The following ZNF462 variants were observed in gnomAD, a reference collection of about 807,000 sequenced individuals.
ZNF462 encodes zinc finger protein 462.
A neutral mutation model predicts 201.9 loss-of-function variants in ZNF462; 10 were observed. The observed-to-expected ratio is 0.05, with a 90% CI of 0.03 to 0.08. ZNF462 has a LOEUF of 0.08. Among genes scored for constraint, ZNF462 ranks in the 10% least tolerant of loss-of-function variants. The pLI is 1.00. For missense variants in ZNF462, 2,523 were observed against 3,168.3 expected, an observed-to-expected ratio of 0.80 and a Z score of 4.89; for synonymous variants, 1,227 against 1,193.3, an observed-to-expected ratio of 1.03 and a Z score of -0.58.
At chr9:106,861,745 G>A (rs1233076963), upstream of ZNF462, among the ~76,000 whole-genome samples, 1 of 152,184 alleles carries the variant, frequency 6.6e-6, no homozygotes, top group Non-Finnish European at 1.5e-5. Flanking sequence ...CGACCTGGTG[G>A]TGGAGGGGGG....
intron 6 of ZNF462, among the ~76,000 whole-genome samples, chr9:106,937,158 C>T (rs1242951307): frequency 6.6e-6 from 1 of 152,122 alleles, no homozygotes; most frequent in African/African-American, 2.4e-5. Flanking sequence ...AATTCTCTCT[C>T]AGGTCGTGCA....
rs1564062865 is a variant in ZNF462, at chr9:106,864,106, CT to C, written c.-31+752del. Among the ~76,000 whole-genome samples the C allele has an allele frequency of 6.5e-4, 79 of 122,478 alleles. 7 individuals carry two copies. Among genetic ancestry groups the C allele is most frequent in the Middle Eastern group, 4.2e-3 (1 of 238 alleles). The allele number at this position is 122,478 out of a possible 152,430, so 80.4% of individuals were successfully genotyped here. ...TCTCTCTCTCTCTCTCTCTCTCTCT[CT>C]CTCCCTCTCCCCGAAGTTGGGATGC... On this transcript the variant is annotated intron_variant, in intron 1 of 12. Transcript: ENST00000277225.
At chr9:106,986,128 G>T (rs1020971900) in intron 10 of ZNF462, among the ~76,000 whole-genome samples, 17 of 152,172 alleles carry the variant, frequency 1.1e-4, no homozygotes, top group African/African-American at 4.1e-4. Context: ...TCAGAAAGAA[G>T]ATTCTTCTCT....
Position 106,925,556 on chromosome 9 carries a change from G to A in ZNF462, c.1644G>A (p.Pro548=), listed in dbSNP as rs199560820. The change falls in exon 3 of 13, where the codon CCG becomes CCA. Residue 548 remains proline (P), a synonymous_variant. Coordinates refer to ENST00000277225, the MANE Select transcript of ZNF462 (RefSeq NM_021224.6). This position sits in a 1 kb window ranked among gnomAD's most constrained non-coding sequence, Gnocchi z 7.9. ...AACAGCCACCGCAGCCACCACCACC[G>A]CCGCCGCCACCACCACCATCACAGC... ...QQQQPPQPPP[P]PPPPPPSQPQ... is the part of the protein sequence containing the mutation. 5.6e-4 allele frequency: 901 copies of A among 1,606,864 alleles called. No homozygotes were observed. The highest frequency in any genetic ancestry group is 2.0e-3 in the East Asian group (88 of 44,664).
At position 106,972,347 on chromosome 9, in the gene ZNF462, A is replaced by G; in HGVS notation, c.6695+75A>G. On this transcript the variant is annotated intron_variant, in intron 8 of 12. Transcript: ENST00000277225. This position sits in a 1 kb window ranked among gnomAD's most constrained non-coding sequence, Gnocchi z 4.8. Reference sequence around the variant, plus strand: ...CCACCCCTCACTGCAGGCTTCCCTTACACTTTCCTACTTGGAGCTTATGGG... The same window carrying G: ...CCACCCCTCACTGCAGGCTTCCCTTGCACTTTCCTACTTGGAGCTTATGGG... The G allele has an allele frequency of 1.3e-6, 2 of 1,544,710 alleles. No individual in the cohort carries two copies. The highest frequency in any genetic ancestry group is 8.7e-7 in the Non-Finnish European group (1 of 1,146,308).
chr9:106,931,986 A>AG (rs1830444430), intron 4 of ZNF462, among the ~76,000 whole-genome samples: 1 of 152,194 alleles, frequency 6.6e-6, no homozygotes, highest in African/African-American at 2.4e-5. Flanking sequence ...GGAAGAAGTG[A>AG]GTGAAGTGTC....
At chr9:106,942,249 G>GA (rs1830906398) in intron 7 of ZNF462, among the ~76,000 whole-genome samples, 1 of 152,176 alleles carries the variant, frequency 6.6e-6, no homozygotes, top group African/African-American at 2.4e-5. Context: ...CTGGCAGAGG[G>GA]AAACAGCCTG....
intron 10 of ZNF462, among the ~76,000 whole-genome samples, chr9:106,991,839 TACACACA>T (rs1208247429): frequency 0.018 from 2,492 of 136,352 alleles, 74 homozygotes; most frequent in African/African-American, 0.066. Flanking sequence ...CAGCACTCTC[TACACACA>T]CACACACACA....
rs748640464 is a variant in ZNF462 at position 106,938,813 on chromosome 9, G to A, written c.6236-103G>A. ...TCATAGAACATGAAGCTTGAGATGC[G>A]CTTCTCTAGCATGAGTTAACTGAGT... On this transcript the variant is annotated intron_variant, in intron 6 of 12. Coordinates refer to ENST00000277225, the MANE Select transcript of ZNF462 (RefSeq NM_021224.6). This position sits in a 1 kb window ranked among gnomAD's most constrained non-coding sequence, Gnocchi z 4.4. 155 of 1,229,240 alleles carry A rather than the reference G, an allele frequency of 1.3e-4. No individual in the cohort carries two copies. The highest frequency in any genetic ancestry group is 1.2e-3 in the African/African-American group (82 of 65,860). The allele number at this position is 1,229,240 out of a possible 1,614,324, so 76.1% of individuals were successfully genotyped here.
rs1829094570 is a variant in ZNF462 at position 106,902,247 on chromosome 9, T to C, written c.-30-21107T>C. 6.6e-6 allele frequency among the ~76,000 whole-genome samples: 1 copy of C among 152,208 alleles called. No homozygotes were observed. Among genetic ancestry groups the C allele is most frequent in the Admixed American group, 6.5e-5 (1 of 15,284 alleles). On this transcript the variant is annotated intron_variant, in intron 1 of 12. Transcript: ENST00000277225. The surrounding 1 kb of genome is among the most constrained non-coding windows in gnomAD (Gnocchi z 4.2). Reference sequence around the variant, plus strand: ...TTATTGACTCATGTATGTTAAACCATCCCTGCATCCCTGGTATGAAACCCA... The same window carrying C: ...TTATTGACTCATGTATGTTAAACCACCCCTGCATCCCTGGTATGAAACCCA...
chr9:106,964,882 GA>G (rs1195226407), intron 7 of ZNF462, among the ~76,000 whole-genome samples: 1 of 152,064 alleles, frequency 6.6e-6, no homozygotes, highest in African/African-American at 2.4e-5. Flanking sequence ...GCTAGAAGCA[GA>G]AATGGATGGA....
intron 1 of ZNF462, among the ~76,000 whole-genome samples, chr9:106,911,874 G>A (rs1489866369): frequency 1.3e-5 from 2 of 152,048 alleles, no homozygotes; most frequent in Non-Finnish European, 2.9e-5. Context: ...AATAAAGTTA[G>A]ATAAATAAAG....
At chr9:106,940,788 A>G (rs1467390698) in intron 7 of ZNF462, among the ~76,000 whole-genome samples, 2 of 151,918 alleles carry the variant, frequency 1.3e-5, no homozygotes, top group Non-Finnish European at 2.9e-5. Flanking sequence ...TCAGAGTCAC[A>G]CATCTAGGGC....
intron 10 of ZNF462, among the ~76,000 whole-genome samples, chr9:106,991,952 G>A (rs996852167): frequency 1.3e-5 from 2 of 150,268 alleles, no homozygotes; most frequent in Non-Finnish European, 1.5e-5. Context: ...AATAATAGAA[G>A]ATTATATCAT....
chr9:106,876,941 T>C lies in ZNF462; in HGVS notation c.-31+13586T>C, dbSNP rs1020808788. Reference sequence around the variant, plus strand: ...ACTGCCCCATAGCCTGGCTTAGAAATGCTTTGGTTTTCTCTGTGCAAATGT... The same window carrying C: ...ACTGCCCCATAGCCTGGCTTAGAAACGCTTTGGTTTTCTCTGTGCAAATGT... On this transcript the variant is annotated intron_variant, in intron 1 of 12. Transcript: ENST00000277225. This position sits in a 1 kb window ranked among gnomAD's most constrained non-coding sequence, Gnocchi z 4.9. Among the ~76,000 whole-genome samples, 5 of 152,228 alleles carry C rather than the reference T, an allele frequency of 3.3e-5. No homozygotes were observed. The highest frequency in any genetic ancestry group is 7.3e-5 in the Non-Finnish European group (5 of 68,050).
At chr9:106,899,097 A>G (rs932541132) in intron 1 of ZNF462, among the ~76,000 whole-genome samples, 2 of 152,038 alleles carry the variant, frequency 1.3e-5, no homozygotes, top group East Asian at 1.9e-4. Context: ...TCAAGGATTC[A>G]TGTAGCTAAT....
chr9:106,864,071 T>C (rs968906846), intron 1 of ZNF462, among the ~76,000 whole-genome samples: 2 of 126,880 alleles, frequency 1.6e-5, no homozygotes, highest in Non-Finnish European at 3.4e-5. Context: ...TCTCTCTCTC[T>C]CTCTCTCTCT....
chr9:106,992,415 C>A (rs991264268), intron 10 of ZNF462, among the ~76,000 whole-genome samples: 1 of 152,078 alleles, frequency 6.6e-6, no homozygotes, highest in Non-Finnish European at 1.5e-5. Context: ...AATACCATAG[C>A]CACTTCGGAG....
rs1830060116 is a variant in ZNF462 at position 106,923,343 on chromosome 9, T to A, written c.-30-11T>A. 1.9e-6 allele frequency: 3 copies of A among 1,602,904 alleles called. No homozygotes were observed. Among genetic ancestry groups the A allele is most frequent in the Non-Finnish European group, 8.5e-7 (1 of 1,170,760 alleles). On this transcript the variant is annotated splice_polypyrimidine_tract_variant and intron_variant, in intron 1 of 12. Transcript: ENST00000277225. The surrounding 1 kb of genome is among the most constrained non-coding windows in gnomAD (Gnocchi z 5.6). Reference sequence around the variant, plus strand: ...ATTCCTTAAGATGTTTTGTTCTGACTTCTGCCACAGGTTCCTAATGTGAGA... The same window carrying A: ...ATTCCTTAAGATGTTTTGTTCTGACATCTGCCACAGGTTCCTAATGTGAGA...
Sources: gnomAD v4.1 joint callset for allele counts (sites outside exome capture counted in the v4.1 genomes callset) on GRCh38, gnomAD v4.1.1 for gene constraint, Gnocchi (gnomAD v3.1) non-coding constraint, MANE v1.5 for transcripts, NCBI Gene and HGNC (gene_info 2026-07-23, HGNC 2026-07-21) for gene names.